The following STPG2 variants were observed in gnomAD, a reference collection of about 807,000 sequenced individuals.
STPG2 encodes the protein sperm tail PG-rich repeat containing 2.
Under a neutral mutation model 54.2 loss-of-function variants are expected in STPG2, and 56 were observed. That is an observed-to-expected ratio of 1.03 (90% CI 0.83 to 1.29). The LOEUF (loss-of-function observed/expected upper bound fraction) is 1.29, where lower values mean the gene tolerates loss of function less well. Among genes scored for constraint, STPG2 ranks in the 50% most tolerant of loss-of-function variants. STPG2 has a pLI of 0.00. For synonymous variants in STPG2, 200 were observed against 181.8 expected, an observed-to-expected ratio of 1.10 and a Z score of -0.81; for missense variants, 596 against 544.9, an observed-to-expected ratio of 1.09 and a Z score of -0.93.
At chr4:97,567,697 G>A (rs887694111) in intron 10 of STPG2, among the ~76,000 whole-genome samples, 1 of 151,778 alleles carries the variant, frequency 6.6e-6, no homozygotes, top group Non-Finnish European at 1.5e-5. Flanking sequence ...TTGATATGGA[G>A]GGTTCTTCAT....
At chr4:97,890,646 A>C (rs1730734177) in intron 8 of STPG2, among the ~76,000 whole-genome samples, 2 of 151,970 alleles carry the variant, frequency 1.3e-5, no homozygotes, top group Admixed American at 1.3e-4. Context: ...ATAGTTAATA[A>C]TTTATTATAT....
intron 9 of STPG2, among the ~76,000 whole-genome samples, chr4:97,801,157 C>T (rs1164356789): frequency 6.6e-6 from 1 of 152,180 alleles, no homozygotes; most frequent in Non-Finnish European, 1.5e-5. Flanking sequence ...CGCCCTGCCT[C>T]AGCTCATGCT....
chr4:97,578,991 G>A (rs1560670171), intron 10 of STPG2, among the ~76,000 whole-genome samples: 1 of 151,996 alleles, frequency 6.6e-6, no homozygotes, highest in African/African-American at 2.4e-5. Flanking sequence ...AACAATATCA[G>A]TGCCATCTAA....
intron 10 of STPG2, among the ~76,000 whole-genome samples, chr4:97,596,775 G>A (rs1733304871): frequency 6.6e-6 from 1 of 152,088 alleles, no homozygotes; most frequent in African/African-American, 2.4e-5. Flanking sequence ...AGAGTTAAGA[G>A]AGAAGTTTAA....
Position 98,093,965 on chromosome 4 carries a change from G to A in STPG2, c.612+11988C>T, listed in dbSNP as rs566598996. ...GTGCTCTGGGGTCCTAAGTAAACTT[G>A]AAAGACAGTCTAGGACAGAAGGACT... On this transcript the variant is annotated intron_variant, in intron 5 of 10. Coordinates refer to ENST00000295268, the MANE Select transcript of STPG2 (RefSeq NM_174952.3). Among the ~76,000 whole-genome samples the A allele has an allele frequency of 2.0e-5, 3 of 152,248 alleles. No individual in the cohort carries two copies. The South Asian group carries it at 6.2e-4, about 32-fold the overall frequency.
chr4:97,793,496 C>T (rs1282779677), intron 9 of STPG2, among the ~76,000 whole-genome samples: 1 of 151,368 alleles, frequency 6.6e-6, no homozygotes, highest in African/African-American at 2.4e-5. Context: ...AACTTCATGC[C>T]CAGTACACAA....
At position 98,077,223 on chromosome 4, in the gene STPG2, G is replaced by GTTT. The variant is rs758785570; in HGVS notation, c.612+28727_612+28729dup. 1.4e-3 allele frequency among the ~76,000 whole-genome samples: 162 copies of GTTT among 117,240 alleles called. 1 individual carries two copies. Among genetic ancestry groups the GTTT allele is most frequent in the South Asian group, 3.0e-3 (11 of 3,680 alleles). The allele number at this position is 117,240 out of a possible 152,430, so 76.9% of individuals were successfully genotyped here. On this transcript the variant is annotated intron_variant, in intron 5 of 10. Transcript: ENST00000295268. ...ATAAAGTTCTTTTGCGTCCTCAATA[G>GTTT]TTTTGTTGTTGTTGTTGTTGTTGTT...
chr4:97,907,615 C>G (rs1441568905), intron 8 of STPG2, among the ~76,000 whole-genome samples: 1 of 152,154 alleles, frequency 6.6e-6, no homozygotes, highest in Non-Finnish European at 1.5e-5. Flanking sequence ...TGACTTCAAA[C>G]TATACTACAA....
intron 4 of STPG2, among the ~76,000 whole-genome samples, chr4:97,479,243 T>G (rs1730157312): frequency 6.6e-6 from 1 of 151,858 alleles, no homozygotes; most frequent in Non-Finnish European, 1.5e-5. Flanking sequence ...GCCAAATCAC[T>G]GATCGTATAT....
At chr4:97,565,542 GT>G (rs1257864394) in intron 10 of STPG2, among the ~76,000 whole-genome samples, 1 of 152,132 alleles carries the variant, frequency 6.6e-6, no homozygotes, top group Non-Finnish European at 1.5e-5. Context: ...TTCCTGCTCT[GT>G]TTTTTCCCCG....
intron 7 of STPG2, among the ~76,000 whole-genome samples, chr4:97,956,659 C>T (rs1188331428): frequency 2.0e-5 from 3 of 152,132 alleles, no homozygotes; most frequent in African/African-American, 7.2e-5. Context: ...GCAGACAACC[C>T]CCAGTAGCAG....
In STPG2 at chr4:97,907,844, T is replaced by A. The variant is rs886638236; in HGVS notation, c.1044+36053A>T. On this transcript the variant is annotated intron_variant, in intron 8 of 10. Transcript: ENST00000295268. ...AGAAAGCTGAAACTGGATCCCTTCC[T>A]TACACCTTATACAAAAATCAATTCA... Among the ~76,000 whole-genome samples the A allele has an allele frequency of 2.4e-3, 369 of 152,210 alleles. 1 individual carries two copies. Among genetic ancestry groups the A allele is most frequent in the Non-Finnish European group, 4.1e-3 (276 of 67,956 alleles).
chr4:97,644,529 T>C (rs1259946377), intron 10 of STPG2, among the ~76,000 whole-genome samples: 1 of 152,038 alleles, frequency 6.6e-6, no homozygotes, highest in Non-Finnish European at 1.5e-5. Flanking sequence ...ATTTGATCAA[T>C]GACTTGACGT....
At chr4:97,471,655 G>C (rs1188592903) in intron 4 of STPG2, among the ~76,000 whole-genome samples, 2 of 152,062 alleles carry the variant, frequency 1.3e-5, no homozygotes, top group Admixed American at 6.6e-5. Flanking sequence ...CTTTCTCCCA[G>C]AACAGCTGCA....
chr4:97,593,475 T>C (rs1733198616), intron 10 of STPG2, among the ~76,000 whole-genome samples: 1 of 152,062 alleles, frequency 6.6e-6, no homozygotes, highest in East Asian at 1.9e-4. Context: ...CCATTGCACG[T>C]GAGAATTTGT....
chr4:97,555,452 T>C (rs985934507), downstream of STPG2, among the ~76,000 whole-genome samples: 6 of 152,152 alleles, frequency 3.9e-5, no homozygotes, highest in Admixed American at 6.5e-5. Context: ...TAAACCTCAA[T>C]CTGCCTAAGG....
At chr4:97,756,007 G>T (rs1474320342) in intron 9 of STPG2, among the ~76,000 whole-genome samples, 2 of 151,982 alleles carry the variant, frequency 1.3e-5, no homozygotes, top group African/African-American at 4.8e-5. Context: ...GCTTCCGATT[G>T]GACCAATCAA....
chr4:97,782,743 T>C (rs893764562), intron 9 of STPG2, among the ~76,000 whole-genome samples: 1 of 151,972 alleles, frequency 6.6e-6, no homozygotes, highest in African/African-American at 2.4e-5. Context: ...TATAGACCAA[T>C]GGAACAGAAG....
intron 4 of STPG2, among the ~76,000 whole-genome samples, chr4:97,469,973 A>G (rs1729882705): frequency 6.6e-6 from 1 of 152,128 alleles, no homozygotes. Flanking sequence ...TCTTATTTCT[A>G]GGAGCTATGT....
Sources: gnomAD v4.1 joint callset for allele counts (sites outside exome capture counted in the v4.1 genomes callset) on GRCh38, gnomAD v4.1.1 for gene constraint, MANE v1.5 for transcripts, NCBI Gene and HGNC (gene_info 2026-07-23, HGNC 2026-07-21) for gene names.